TACC2: variants seen among roughly 807,000 people sequenced by gnomAD.
The protein encoded by TACC2 is transforming acidic coiled-coil-containing protein 2.
TACC2 carries 137 observed loss-of-function variants against 227.3 expected under a neutral mutation model. That is an observed-to-expected ratio of 0.60 (90% CI 0.52 to 0.69). The LOEUF (loss-of-function observed/expected upper bound fraction) is 0.69, where lower values mean the gene tolerates loss of function less well. Ranked by LOEUF, TACC2 falls within the 30% of genes least tolerant of loss-of-function variation. The pLI, the probability that TACC2 is intolerant of heterozygous loss-of-function variation, is 0.00. For missense variants in TACC2, 3,470 were observed against 3,694.4 expected (o/e 0.94, Z 1.57); for synonymous variants, 1,523 against 1,487.5 (o/e 1.02, Z -0.55).
At chr10:122,042,305 C>T (rs556156506) in intron 2 of TACC2, among the ~76,000 whole-genome samples, 1 of 152,222 alleles carries the variant, frequency 6.6e-6, no homozygotes, top group South Asian at 2.1e-4. Context: ...TTCAGTGGCA[C>T]AGTCTCAGCT....
chr10:122,114,065 A>G (rs1300014779), intron 5 of TACC2, among the ~76,000 whole-genome samples: 1 of 152,236 alleles, frequency 6.6e-6, no homozygotes, highest in Non-Finnish European at 1.5e-5. Flanking sequence ...AGAATGTGAT[A>G]GCGGGTTGAA....
At chr10:122,126,696 G>A (rs946247193) in intron 5 of TACC2, 1 of 151,810 alleles carries the variant, frequency 6.6e-6, no homozygotes, top group Non-Finnish European at 1.5e-5. Context: ...GGAGGGAGAA[G>A]CTTTTTTTTT....
In TACC2 at chr10:122,205,091, T is replaced by C. The variant is rs2095058268; in HGVS notation, c.5972-5306T>C. 6.6e-6 allele frequency among the ~76,000 whole-genome samples: 1 copy of C among 152,198 alleles called. No homozygotes were observed. Among genetic ancestry groups the C allele is most frequent in the Non-Finnish European group, 1.5e-5 (1 of 68,038 alleles). On this transcript the variant is annotated intron_variant, in intron 8 of 22. Coordinates refer to ENST00000369005, the MANE Select transcript of TACC2 (RefSeq NM_206862.4). The surrounding 1 kb of genome is among the most constrained non-coding windows in gnomAD (Gnocchi z 4.5). ...TTGGTTTATGTAAAGACACTTTAATTTCTTCATCACTAAGTGAGTTAGCAC... is the reference window on the plus strand; with the variant it reads ...TTGGTTTATGTAAAGACACTTTAATCTCTTCATCACTAAGTGAGTTAGCAC...
rs917917461 is a variant in TACC2 at position 122,185,796 on chromosome 10, G to A, written c.5835-9244G>A. Among the ~76,000 whole-genome samples, 3 of 152,336 alleles carry A rather than the reference G, an allele frequency of 2.0e-5. No homozygotes were observed. In the South Asian group the frequency reaches 6.2e-4, roughly 32 times the overall value. ...TGCTTGTTAAGTGGCTTGTGAATAG[G>A]TAGGATGTTACTGTAATTCTCCTCT... On this transcript the variant is annotated intron_variant, in intron 7 of 22. Transcript: ENST00000369005.
intron 1 of TACC2, among the ~76,000 whole-genome samples, chr10:122,009,845 G>C (rs1163444556): frequency 2.0e-5 from 3 of 151,894 alleles, no homozygotes; most frequent in African/African-American, 7.3e-5. Context: ...AGAATGGCTT[G>C]AACCTAGGAG....
chr10:122,055,231 TA>T (rs971912514), intron 3 of TACC2, among the ~76,000 whole-genome samples: 1 of 147,650 alleles, frequency 6.8e-6, no homozygotes, highest in Admixed American at 6.8e-5. Context: ...CAAAAAAAAA[TA>T]AAAAAAAAGT....
chr10:122,110,519 C>T (rs866376625), intron 5 of TACC2, among the ~76,000 whole-genome samples: 1 of 152,176 alleles, frequency 6.6e-6, no homozygotes, highest in Non-Finnish European at 1.5e-5. Flanking sequence ...ACTTCATCTT[C>T]TAATGAGTTG....
At chr10:122,032,492 C>T (rs1244356032) in intron 2 of TACC2, among the ~76,000 whole-genome samples, 2 of 152,170 alleles carry the variant, frequency 1.3e-5, no homozygotes, top group East Asian at 3.9e-4. Context: ...AAAGACCAGG[C>T]ATTGAGGAGC....
rs56027765 is a variant in TACC2 at position 122,136,549 on chromosome 10, A to G, written c.5699+3815A>G. Among the ~76,000 whole-genome samples the G allele has an allele frequency of 7.4e-3, 340 of 45,698 alleles. 4 individuals carry two copies. The highest frequency in any genetic ancestry group is 0.013 in the African/African-American group (315 of 23,698). 30.0% of individuals were successfully genotyped at this position (45,698 alleles called of 152,430 possible). On this transcript the variant is annotated intron_variant, in intron 6 of 22. Coordinates refer to ENST00000369005, the MANE Select transcript of TACC2 (RefSeq NM_206862.4). ...TATGTATGTTTGTGTGTGTGTGTAT[A>G]TATATATATATATATATATATTAGA...
intron 2 of TACC2, among the ~76,000 whole-genome samples, chr10:122,044,524 T>C (rs1206315252): frequency 2.0e-5 from 3 of 152,154 alleles, no homozygotes; most frequent in Admixed American, 6.5e-5. Flanking sequence ...TCACCTGCAG[T>C]CAAGCTGCTC....
In TACC2 at chr10:122,050,841, A is replaced by T; in HGVS notation, c.146+291A>T. The T allele has an allele frequency of 2.6e-6, 1 of 383,028 alleles. No individual in the cohort carries two copies. Among genetic ancestry groups the T allele is most frequent in the Non-Finnish European group, 4.7e-6 (1 of 211,606 alleles). The allele number at this position is 383,028 out of a possible 1,614,324, so 23.7% of individuals were successfully genotyped here. A position where few individuals can be genotyped will look rare whatever the true frequency, so the allele number is the denominator to read the frequency against. ...CTTCATTGTCAGAACTTAAAATGGA[A>T]AACATCAAGGGTTCCCAGGGGTTTA... On this transcript the variant is annotated intron_variant, in intron 3 of 22. Coordinates refer to ENST00000369005, the MANE Select transcript of TACC2 (RefSeq NM_206862.4). The surrounding 1 kb of genome is among the most constrained non-coding windows in gnomAD (Gnocchi z 4.6).
At chr10:122,170,310 C>T (rs1370787353) in intron 7 of TACC2, among the ~76,000 whole-genome samples, 1 of 147,482 alleles carries the variant, frequency 6.8e-6, no homozygotes, top group Non-Finnish European at 1.5e-5. Flanking sequence ...CACTCTGCCC[C>T]CCAGGCTGGA....
intron 2 of TACC2, among the ~76,000 whole-genome samples, chr10:122,047,403 A>G (rs2136136204): frequency 6.6e-6 from 1 of 150,640 alleles, no homozygotes; most frequent in Non-Finnish European, 1.5e-5. Flanking sequence ...TATGGGGATG[A>G]TTGTCTTCTT....
chr10:122,062,526 C>T (rs2136456994), intron 3 of TACC2, among the ~76,000 whole-genome samples: 1 of 147,984 alleles, frequency 6.8e-6, no homozygotes, highest in East Asian at 2.0e-4. Flanking sequence ...ATTGGTCAGG[C>T]TGGTCTCGAA....
chr10:122,088,675 T>C (rs1565276128), intron 5 of TACC2, 84 bp downstream of exon 5: 1 of 1,557,924 alleles, frequency 6.4e-7, no homozygotes, highest in Middle Eastern at 1.7e-4. Flanking sequence ...AGGAGAGTAG[T>C]CCTTATACAG....
rs2093937744 is a variant in TACC2 at position 122,180,532 on chromosome 10, G to T, written c.5835-14508G>T. Among the ~76,000 whole-genome samples, 1 of 151,976 alleles carries T rather than the reference G, an allele frequency of 6.6e-6. No individual in the cohort carries two copies. Among genetic ancestry groups the T allele is most frequent in the Non-Finnish European group, 1.5e-5 (1 of 68,000 alleles). ...TTTTTGTGTTTTTGGTAGAAACGAGGTTTCACCATGTTAGCCAGGATGGTC... is the reference window on the plus strand; with the variant it reads ...TTTTTGTGTTTTTGGTAGAAACGAGTTTTCACCATGTTAGCCAGGATGGTC... On this transcript the variant is annotated intron_variant, in intron 7 of 22. Transcript: ENST00000369005. This position sits in a 1 kb window ranked among gnomAD's most constrained non-coding sequence, Gnocchi z 4.5.
At chr10:122,028,034 C>T (rs1219279557) in intron 2 of TACC2, among the ~76,000 whole-genome samples, 2 of 149,222 alleles carry the variant, frequency 1.3e-5, no homozygotes, top group South Asian at 2.1e-4. Flanking sequence ...TGAGCCACTG[C>T]GCCTGGCCCA....
At chr10:122,215,282 G>A (rs1012160746) in intron 9 of TACC2, 109 bp from the exon 10 acceptor site, 4 of 949,606 alleles carry the variant, frequency 4.2e-6, no homozygotes, top group Admixed American at 1.7e-5. Context: ...TGGGAGGGTG[G>A]CCTGGGCCAG....
intron 5 of TACC2, chr10:122,088,849 G>A (rs890253641): frequency 4.3e-5 from 50 of 1,157,200 alleles, no homozygotes; most frequent in African/African-American, 3.4e-4. Context: ...GTCTGGGTGC[G>A]GTGGCTCATG....
Sources: allele counts gnomAD v4.1 joint callset (sites outside exome capture counted in the v4.1 genomes callset), GRCh38; gene constraint gnomAD v4.1.1; non-coding constraint Gnocchi (gnomAD v3.1); transcripts MANE v1.5; gene names NCBI Gene and HGNC (gene_info 2026-07-23, HGNC 2026-07-21).